Variants in EXOC6 observed in about 807,000 individuals in gnomAD.
EXOC6 encodes exocyst complex component 6.
EXOC6 carries 60 observed loss-of-function variants against 112.5 expected under a neutral mutation model. The observed-to-expected ratio is 0.53, with a 90% CI of 0.43 to 0.66. EXOC6 has a LOEUF of 0.66. Ranked by LOEUF, EXOC6 falls within the 30% of genes least tolerant of loss-of-function variation. The pLI is 0.00. For missense variants in EXOC6, 855 were observed against 957.1 expected (o/e 0.89, Z 1.41); for synonymous variants, 295 against 308.0 (o/e 0.96, Z 0.44).
chr10:93,006,718 T>G (rs1172669889), intron 19 of EXOC6, among the ~76,000 whole-genome samples: 2 of 152,244 alleles, frequency 1.3e-5, no homozygotes, highest in Non-Finnish European at 2.9e-5. Flanking sequence ...TAACAAAGTT[T>G]GTTAAACAAA....
intron 20 of EXOC6, among the ~76,000 whole-genome samples, chr10:93,041,841 A>G (rs1845795854): frequency 1.3e-5 from 2 of 152,156 alleles, no homozygotes; most frequent in Admixed American, 1.3e-4. Flanking sequence ...CCTCCTGAGT[A>G]GCTGGGACTA....
At chr10:93,004,683 C>G in intron 19 of EXOC6, among the ~76,000 whole-genome samples, 1 of 152,112 alleles carries the variant, frequency 6.6e-6, no homozygotes, top group East Asian at 1.9e-4. Context: ...AAAGTGGATA[C>G]AATGTCTAAG....
chr10:93,007,437 G>C (rs1417280619), intron 19 of EXOC6, among the ~76,000 whole-genome samples: 1 of 152,044 alleles, frequency 6.6e-6, no homozygotes, highest in Non-Finnish European at 1.5e-5. Flanking sequence ...GATCACCTGA[G>C]GTCAGGCGTT....
At chr10:93,027,917 T>A (rs376624304) in intron 20 of EXOC6, among the ~76,000 whole-genome samples, 2 of 152,252 alleles carry the variant, frequency 1.3e-5, no homozygotes, top group East Asian at 1.9e-4. Flanking sequence ...TTTGAAAGGC[T>A]ACAGCTACCA....
At chr10:92,936,879 G>A (rs1356127865) in intron 12 of EXOC6, among the ~76,000 whole-genome samples, 1 of 152,076 alleles carries the variant, frequency 6.6e-6, no homozygotes, top group Non-Finnish European at 1.5e-5. Context: ...GATATTGGGA[G>A]TAATATTATC....
intron 19 of EXOC6, among the ~76,000 whole-genome samples, chr10:93,012,742 G>A (rs1844306276): frequency 1.3e-5 from 2 of 152,084 alleles, no homozygotes; most frequent in South Asian, 4.1e-4. Flanking sequence ...ATTCACAAAT[G>A]GAACATCTAT....
At chr10:92,992,287 CAAAAAAAAAAA>C (rs35924745) in intron 18 of EXOC6, among the ~76,000 whole-genome samples, 2 of 74,238 alleles carry the variant, frequency 2.7e-5, no homozygotes, top group Non-Finnish European at 5.0e-5. Flanking sequence ...GACTCTGTCT[CAAAAAAAAAAA>C]AAAAAAAAAA....
chr10:92,830,481 C>T (rs1846457390), upstream of EXOC6, among the ~76,000 whole-genome samples: 1 of 152,180 alleles, frequency 6.6e-6, no homozygotes, highest in Non-Finnish European at 1.5e-5. Context: ...TCACACACAG[C>T]CTGATGGTGT....
intron 20 of EXOC6, among the ~76,000 whole-genome samples, chr10:93,020,920 G>C (rs1163966948): frequency 2.8e-5 from 4 of 145,240 alleles, no homozygotes; most frequent in African/African-American, 7.5e-5. Flanking sequence ...GGATAAAGTT[G>C]TTCTCTAAAA....
chr10:92,841,650 G>A (rs1465304500), intron 1 of EXOC6, among the ~76,000 whole-genome samples: 2 of 152,126 alleles, frequency 1.3e-5, no homozygotes, highest in African/African-American at 2.4e-5. Flanking sequence ...CATTAGCTAT[G>A]TGATGTTTAT....
At chr10:93,001,468 A>G (rs1843752648) in intron 19 of EXOC6, among the ~76,000 whole-genome samples, 1 of 152,186 alleles carries the variant, frequency 6.6e-6, no homozygotes, top group Non-Finnish European at 1.5e-5. Context: ...ATTTCTCTTA[A>G]TAGACCTAGT....
At chr10:93,007,643 A>C (rs1045674046) in intron 19 of EXOC6, among the ~76,000 whole-genome samples, 4 of 152,110 alleles carry the variant, frequency 2.6e-5, no homozygotes, top group Non-Finnish European at 4.4e-5. Flanking sequence ...GCAGAGCGAG[A>C]CTCCGTCTCC....
chr10:92,974,310 T>A, intron 18 of EXOC6, 78 bp downstream of exon 18: 3 of 926,366 alleles, frequency 3.2e-6, no homozygotes, highest in African/African-American at 1.7e-5. Flanking sequence ...GAGGTTTCCT[T>A]GCTTAAACCA....
intron 1 of EXOC6, among the ~76,000 whole-genome samples, chr10:92,849,060 G>A (rs1847194298): frequency 1.3e-5 from 2 of 152,146 alleles, no homozygotes; most frequent in African/African-American, 2.4e-5. Flanking sequence ...CACCCGGCGT[G>A]ACGGAGGTGC....
chr10:93,032,338 A>G (rs190730296), intron 20 of EXOC6, among the ~76,000 whole-genome samples: 45 of 152,310 alleles, frequency 3.0e-4, no homozygotes, highest in African/African-American at 1.0e-3. Flanking sequence ...TCACAAAAAC[A>G]ACAGCAAACA....
intron 20 of EXOC6, among the ~76,000 whole-genome samples, chr10:93,038,910 T>A (rs1241629161): frequency 6.6e-6 from 1 of 152,208 alleles, no homozygotes; most frequent in Admixed American, 6.5e-5. Flanking sequence ...CAATGGCCCA[T>A]AGAGCCACCT....
At chr10:92,912,732 A>G (rs1245297024) in intron 6 of EXOC6, among the ~76,000 whole-genome samples, 1 of 152,242 alleles carries the variant, frequency 6.6e-6, no homozygotes, top group Non-Finnish European at 1.5e-5. Flanking sequence ...AACAATCTAT[A>G]GAAACAGGAC....
intron 1 of EXOC6, among the ~76,000 whole-genome samples, chr10:92,882,399 C>G (rs568462413): frequency 1.3e-5 from 2 of 151,942 alleles, no homozygotes; most frequent in Admixed American, 1.3e-4. Flanking sequence ...CAAAAAATAG[C>G]CAGGCATGAT....
chr10:92,952,168 G>A lies in EXOC6; in HGVS notation c.1417-105G>A, dbSNP rs971873481. On this transcript the variant is annotated intron_variant, in intron 14 of 21. Transcript: ENST00000260762. ...AAATATAACAGAGTTTTTGATGCAG[G>A]TATTTGCTATTCAAGTGTGAAATCA... The A allele has an allele frequency of 9.2e-6, 6 of 653,098 alleles. No homozygotes were observed. In the Admixed American group the frequency reaches 1.7e-4, roughly 19 times the overall value. 40.5% of individuals were successfully genotyped at this position (653,098 alleles called of 1,614,324 possible). A position where few individuals can be genotyped will look rare whatever the true frequency, so the allele number is the denominator to read the frequency against.
Sources: gnomAD v4.1 joint callset for allele counts (sites outside exome capture counted in the v4.1 genomes callset) on GRCh38, gnomAD v4.1.1 for gene constraint, MANE v1.5 for transcripts, NCBI Gene and HGNC (gene_info 2026-07-23, HGNC 2026-07-21) for gene names.